The following MED13L variants were observed in gnomAD, a reference collection of about 807,000 sequenced individuals.
MED13L encodes mediator complex subunit 13L.
A neutral mutation model predicts 220.9 loss-of-function variants in MED13L; 7 were observed. The observed-to-expected ratio is 0.03, with a 90% CI of 0.02 to 0.06. The LOEUF is 0.06. Ranked by LOEUF, MED13L falls within the 10% of genes least tolerant of loss-of-function variation. The pLI, the probability that MED13L is intolerant of heterozygous loss-of-function variation, is 1.00. For missense variants in MED13L, 1,965 were observed against 2,760.5 expected, an observed-to-expected ratio of 0.71 and a Z score of 6.46; for synonymous variants, 1,011 against 1,015.2, an observed-to-expected ratio of 1.00 and a Z score of 0.08.
At chr12:115,984,761 T>C (rs1021303786) in intron 19 of MED13L, among the ~76,000 whole-genome samples, 1 of 152,276 alleles carries the variant, frequency 6.6e-6, no homozygotes, top group South Asian at 2.1e-4. Flanking sequence ...ACTCATAATA[T>C]TTTCCCATAA....
intron 2 of MED13L, among the ~76,000 whole-genome samples, chr12:116,130,983 T>A (rs1274604680): frequency 6.6e-6 from 1 of 152,210 alleles, no homozygotes; most frequent in Non-Finnish European, 1.5e-5. Context: ...GAACAATGTA[T>A]GTTTTATTAA....
intron 16 of MED13L, among the ~76,000 whole-genome samples, chr12:115,995,361 T>A (rs1302466377): frequency 1.3e-5 from 2 of 152,206 alleles, no homozygotes; most frequent in African/African-American, 4.8e-5. Context: ...TTTCTATCAA[T>A]CAAATCACTT....
intron 21 of MED13L, 39 bp from the exon 22 acceptor site, chr12:115,982,642 A>G: frequency 6.5e-7 from 1 of 1,531,028 alleles, no homozygotes; most frequent in Non-Finnish European, 9.0e-7. Flanking sequence ...CAAAATAAAT[A>G]TAAATTACAC....
intron 2 of MED13L, among the ~76,000 whole-genome samples, chr12:116,119,809 T>TAAAAA (rs57622950): frequency 2.6e-4 from 10 of 38,788 alleles, no homozygotes; most frequent in East Asian, 2.1e-3. Flanking sequence ...CCCATATCTT[T>TAAAAA]AAAAAAAAAA....
intron 30 of MED13L, among the ~76,000 whole-genome samples, 197 bp downstream of exon 30, chr12:115,963,210 C>T (rs772320015): frequency 3.3e-5 from 5 of 152,202 alleles, no homozygotes; most frequent in Non-Finnish European, 7.3e-5. Flanking sequence ...CACTGCCTAA[C>T]TGAATCCAAT....
intron 2 of MED13L, among the ~76,000 whole-genome samples, chr12:116,134,480 G>A (rs1876352547): frequency 6.6e-6 from 1 of 152,088 alleles, no homozygotes; most frequent in Admixed American, 6.5e-5. Context: ...CTGGCTATGT[G>A]GCTGAATTTT....
At chr12:116,086,967 A>ATACG (rs1283671867) in intron 4 of MED13L, among the ~76,000 whole-genome samples, 3 of 152,328 alleles carry the variant, frequency 2.0e-5, no homozygotes, top group African/African-American at 7.2e-5. Context: ...TAAAATCAGT[A>ATACG]TACGATATGA....
Position 116,267,515 on chromosome 12 carries a change from G to A in MED13L, c.72+9545C>T, listed in dbSNP as rs181638540. 2.5e-4 allele frequency among the ~76,000 whole-genome samples: 38 copies of A among 152,158 alleles called. No homozygotes were observed. In the East Asian group the frequency reaches 5.6e-3, roughly 22 times the overall value. On this transcript the variant is annotated intron_variant, in intron 1 of 30. Transcript: ENST00000281928. The stretch of plus-strand genomic sequence containing the variant: ...AGAACATCATCTAGTCATCCAAAGC[G>A]CTTTCCTTAAAAGGTACTCAAAATG...
chr12:116,150,136 T>C (rs1463654162), intron 2 of MED13L, among the ~76,000 whole-genome samples: 6 of 152,202 alleles, frequency 3.9e-5, no homozygotes, highest in Non-Finnish European at 8.8e-5. Context: ...AAAGACCTAA[T>C]TGGAATCAGA....
chr12:116,018,141 G>A (rs1226550807), intron 7 of MED13L, among the ~76,000 whole-genome samples: 1 of 152,026 alleles, frequency 6.6e-6, no homozygotes, highest in Non-Finnish European at 1.5e-5. Flanking sequence ...TACCTAGTAT[G>A]TACAACAACA....
intron 1 of MED13L, among the ~76,000 whole-genome samples, chr12:116,242,237 G>T (rs1870729789): frequency 1.3e-5 from 2 of 151,894 alleles, no homozygotes; most frequent in African/African-American, 4.8e-5. Flanking sequence ...TAGAGACAGG[G>T]TTTCACCATG....
chr12:116,008,286 G>A, intron 10 of MED13L, 115 bp downstream of exon 10: 1 of 1,396,840 alleles, frequency 7.2e-7, no homozygotes, highest in South Asian at 1.5e-5. Flanking sequence ...CCGGAGTCAA[G>A]AAGGACAAAG....
intron 17 of MED13L, among the ~76,000 whole-genome samples, chr12:115,987,665 T>G (rs1011815029): frequency 6.6e-6 from 1 of 152,234 alleles, no homozygotes; most frequent in African/African-American, 2.4e-5. Context: ...ATATCAATGT[T>G]TTGTTTATAT....
At chr12:116,259,151 C>A (rs1872301945) in intron 1 of MED13L, among the ~76,000 whole-genome samples, 1 of 152,012 alleles carries the variant, frequency 6.6e-6, no homozygotes, top group Admixed American at 6.6e-5. Context: ...ATAGTACATC[C>A]ATCTTATGAA....
chr12:116,036,891 T>C (rs548937992), intron 4 of MED13L, among the ~76,000 whole-genome samples: 1 of 152,324 alleles, frequency 6.6e-6, no homozygotes, highest in Non-Finnish European at 1.5e-5. Flanking sequence ...ACAGTGGCAT[T>C]ATAGTATCCA....
chr12:116,184,588 T>C (rs754136963), intron 2 of MED13L, among the ~76,000 whole-genome samples: 2 of 152,162 alleles, frequency 1.3e-5, no homozygotes, highest in Non-Finnish European at 2.9e-5. Context: ...TAACAATAAA[T>C]CATTTATCCA....
At chr12:116,127,332 CAT>C (rs1875678941) in intron 2 of MED13L, among the ~76,000 whole-genome samples, 1 of 152,102 alleles carries the variant, frequency 6.6e-6, no homozygotes, top group African/African-American at 2.4e-5. Flanking sequence ...ACGAAAAATA[CAT>C]ATGAGATAAT....
intron 2 of MED13L, among the ~76,000 whole-genome samples, chr12:116,138,637 C>T (rs1297257107): frequency 1.3e-5 from 2 of 152,208 alleles, no homozygotes; most frequent in African/African-American, 4.8e-5. Context: ...TGGGGAAGCT[C>T]AATTAACACA....
intron 4 of MED13L, among the ~76,000 whole-genome samples, chr12:116,093,256 C>A (rs1872385305): frequency 6.6e-6 from 1 of 152,028 alleles, no homozygotes; most frequent in East Asian, 1.9e-4. Flanking sequence ...GTTGTCACCA[C>A]TCAAGGGCAA....
Sources: gnomAD v4.1 joint callset for allele counts (sites outside exome capture counted in the v4.1 genomes callset) on GRCh38, gnomAD v4.1.1 for gene constraint, MANE v1.5 for transcripts, NCBI Gene and HGNC (gene_info 2026-07-23, HGNC 2026-07-21) for gene names.